Variants in ROBO2 observed in about 807,000 individuals in gnomAD.
ROBO2 encodes the protein roundabout homolog 2.
In ROBO2, 53 loss-of-function variants were observed where a neutral mutation model predicts 160.8. That is an observed-to-expected ratio of 0.33 (90% CI 0.26 to 0.41). The LOEUF (loss-of-function observed/expected upper bound fraction) is 0.41. ROBO2 is among the 10% of genes least tolerant of loss of function. The pLI is 1.00. For missense variants in ROBO2, 1,577 were observed against 1,722.4 expected, an observed-to-expected ratio of 0.92 and a Z score of 1.49; for synonymous variants, 664 against 611.7, an observed-to-expected ratio of 1.09 and a Z score of -1.26.
intron 2 of ROBO2, among the ~76,000 whole-genome samples, chr3:76,802,811 G>T (rs1381258379): frequency 2.0e-5 from 3 of 151,832 alleles, no homozygotes; most frequent in Non-Finnish European, 4.4e-5. Flanking sequence ...ACAAATGACT[G>T]TAGTAATAAT....
chr3:76,728,484 T>G (rs949523146), intron 2 of ROBO2, among the ~76,000 whole-genome samples: 2 of 152,262 alleles, frequency 1.3e-5, no homozygotes, highest in Non-Finnish European at 2.9e-5. Flanking sequence ...CTTGCTTGTT[T>G]GTTTTAAAAC....
At chr3:76,943,774 G>A (rs13323157) in intron 2 of ROBO2, among the ~76,000 whole-genome samples, 6,281 of 152,010 alleles carry the variant, frequency 0.041, 416 homozygotes, top group African/African-American at 0.14. Flanking sequence ...TCTTTCTTTC[G>A]CCATTACAAT....
At chr3:76,175,885 T>A (rs979670721) in intron 2 of ROBO2, among the ~76,000 whole-genome samples, 4 of 152,156 alleles carry the variant, frequency 2.6e-5, no homozygotes, top group African/African-American at 9.6e-5. Context: ...AGTTCTCTCA[T>A]CCTATGTAGT....
At chr3:76,162,275 C>T (rs556957119) in intron 2 of ROBO2, among the ~76,000 whole-genome samples, 73 of 152,168 alleles carry the variant, frequency 4.8e-4, no homozygotes, top group African/African-American at 1.7e-3. Flanking sequence ...ATTTGACTAG[C>T]CTCTTTGGCA....
chr3:76,812,908 A>C (rs1363988964), intron 2 of ROBO2, among the ~76,000 whole-genome samples: 1 of 117,636 alleles, frequency 8.5e-6, no homozygotes, highest in Admixed American at 8.9e-5. Context: ...CAGAAGTATA[A>C]ATTTTTTTTT....
At chr3:76,975,037 A>C (rs545737965) in intron 2 of ROBO2, among the ~76,000 whole-genome samples, 66 of 152,344 alleles carry the variant, frequency 4.3e-4, no homozygotes, top group African/African-American at 1.6e-3. Context: ...GACATGCTTT[A>C]ATATGAATTT....
At chr3:76,485,982 TA>T (rs2079475808) in intron 2 of ROBO2, among the ~76,000 whole-genome samples, 1 of 152,176 alleles carries the variant, frequency 6.6e-6, no homozygotes, top group Non-Finnish European at 1.5e-5. Context: ...ATGTCACTCA[TA>T]AGGTTTGGTT....
At chr3:77,158,638 T>C (rs1373453737) in intron 2 of ROBO2, among the ~76,000 whole-genome samples, 2 of 152,124 alleles carry the variant, frequency 1.3e-5, no homozygotes. Flanking sequence ...TGCAGTAGGT[T>C]TAGCTCATAA....
intron 2 of ROBO2, among the ~76,000 whole-genome samples, chr3:76,609,536 A>G (rs897568614): frequency 6.6e-6 from 1 of 152,004 alleles, no homozygotes; most frequent in Non-Finnish European, 1.5e-5. Flanking sequence ...CTGTTGGCAT[A>G]TAGAAATGCT....
chr3:77,608,853 CTATT>C (rs1270475608), intron 21 of ROBO2, among the ~76,000 whole-genome samples: 9 of 151,674 alleles, frequency 5.9e-5, no homozygotes, highest in Admixed American at 1.3e-4. Flanking sequence ...TAAAATAAAT[CTATT>C]TATTTCTATA....
intron 1 of ROBO2, among the ~76,000 whole-genome samples, chr3:75,922,512 G>A (rs886939911): frequency 1.3e-5 from 2 of 151,990 alleles, no homozygotes; most frequent in Non-Finnish European, 2.9e-5. Flanking sequence ...TAAAATATGA[G>A]TAGTTCCAAC....
intron 2 of ROBO2, among the ~76,000 whole-genome samples, chr3:76,644,053 A>G (rs1180900777): frequency 1.3e-5 from 2 of 152,246 alleles, no homozygotes; most frequent in Non-Finnish European, 2.9e-5. Context: ...GTCATTAAAT[A>G]TTAAAAACTA....
intron 2 of ROBO2, among the ~76,000 whole-genome samples, chr3:76,077,463 T>C (rs192822402): frequency 7.0e-4 from 107 of 152,242 alleles, no homozygotes; most frequent in Non-Finnish European, 6.2e-4. Context: ...CTCAGGAGGC[T>C]GAGGCAGGAG....
At chr3:77,005,083 G>A (rs925518418) in intron 2 of ROBO2, among the ~76,000 whole-genome samples, 17 of 152,210 alleles carry the variant, frequency 1.1e-4, no homozygotes, top group Non-Finnish European at 2.2e-4. Flanking sequence ...AATAAGACAG[G>A]TTGGACACGC....
At chr3:77,047,976 G>A (rs1276697475) in intron 1 of ROBO2, among the ~76,000 whole-genome samples, 1 of 151,994 alleles carries the variant, frequency 6.6e-6, no homozygotes, top group Non-Finnish European at 1.5e-5. Flanking sequence ...GAACCTGGGA[G>A]GTGGAACTGG....
At chr3:76,503,842 TTAGG>T (rs1422805349) in intron 2 of ROBO2, among the ~76,000 whole-genome samples, 1 of 152,130 alleles carries the variant, frequency 6.6e-6, no homozygotes, top group Non-Finnish European at 1.5e-5. Context: ...AAAATTTAAG[TTAGG>T]TAGGAGAAAC....
At chr3:77,312,830 T>G (rs555026375) in intron 2 of ROBO2, among the ~76,000 whole-genome samples, 1 of 152,322 alleles carries the variant, frequency 6.6e-6, no homozygotes, top group Admixed American at 6.5e-5. Flanking sequence ...CAGAATTCAA[T>G]ATGGCAGCTA....
At chr3:76,114,710 C>T (rs913469762) in intron 2 of ROBO2, among the ~76,000 whole-genome samples, 11 of 151,946 alleles carry the variant, frequency 7.2e-5, no homozygotes, top group Admixed American at 2.0e-4. Flanking sequence ...ACTTTATTAC[C>T]CTAAGAACTC....
intron 2 of ROBO2, among the ~76,000 whole-genome samples, chr3:76,241,230 C>A (rs551681073): frequency 2.6e-5 from 4 of 152,184 alleles, no homozygotes. Context: ...ATAACTATTT[C>A]ATGATGCCAT....
Sources: gnomAD v4.1 joint callset for allele counts (sites outside exome capture counted in the v4.1 genomes callset) on GRCh38, gnomAD v4.1.1 for gene constraint, MANE v1.5 for transcripts, NCBI Gene and HGNC (gene_info 2026-07-23, HGNC 2026-07-21) for gene names.